SCD5: variants seen among roughly 807,000 people sequenced by gnomAD.
SCD5 encodes acyl-CoA-desaturase 4.
SCD5 carries 20 observed loss-of-function variants against 30.4 expected under a neutral mutation model. The ratio of observed to expected loss-of-function variants is 0.66; its 90% CI spans 0.46 to 0.96. The LOEUF (loss-of-function observed/expected upper bound fraction) is 0.96. Among genes scored for constraint, SCD5 ranks in the 40% least tolerant of loss-of-function variants. The pLI, the probability that SCD5 is intolerant of heterozygous loss-of-function variation, is 0.00. For missense variants in SCD5, 381 were observed against 443.3 expected (o/e 0.86, Z 1.26); for synonymous variants, 173 against 176.4 (o/e 0.98, Z 0.16).
intron 2 of SCD5, among the ~76,000 whole-genome samples, chr4:82,689,185 G>T (rs1417066764): frequency 6.6e-6 from 1 of 152,174 alleles, no homozygotes; most frequent in African/African-American, 2.4e-5. Flanking sequence ...TGCCAGGACT[G>T]GGGTAGGAAA....
At chr4:82,717,407 C>T (rs73829976) in intron 1 of SCD5, among the ~76,000 whole-genome samples, 6,207 of 151,748 alleles carry the variant, frequency 0.041, 572 homozygotes, top group African/African-American at 0.14. Context: ...ATGCAACTAT[C>T]GAAATCACCA....
At chr4:82,729,690 G>A (rs1720585649) in intron 1 of SCD5, among the ~76,000 whole-genome samples, 1 of 152,146 alleles carries the variant, frequency 6.6e-6, no homozygotes, top group Admixed American at 6.5e-5. Context: ...ATTTTGAGCT[G>A]AAGGCAATTA....
intron 1 of SCD5, among the ~76,000 whole-genome samples, chr4:82,751,676 G>T (rs1721104927): frequency 6.6e-6 from 1 of 152,182 alleles, no homozygotes; most frequent in African/African-American, 2.4e-5. Flanking sequence ...CACCAGGCTG[G>T]AGTGCACTGG....
At chr4:82,750,801 G>A (rs531526471) in intron 1 of SCD5, among the ~76,000 whole-genome samples, 2 of 152,298 alleles carry the variant, frequency 1.3e-5, no homozygotes, top group South Asian at 2.1e-4. Flanking sequence ...CATGTTTAAG[G>A]CCAAAGTGAA....
intron 1 of SCD5, among the ~76,000 whole-genome samples, chr4:82,736,084 G>A (rs551548393): frequency 2.6e-5 from 4 of 152,242 alleles, no homozygotes; most frequent in Non-Finnish European, 4.4e-5. Context: ...CCAGGAGTTC[G>A]AGACCAGCCT....
chr4:82,677,447 C>T (rs961983218), intron 3 of SCD5, among the ~76,000 whole-genome samples: 2 of 152,218 alleles, frequency 1.3e-5, no homozygotes, highest in Admixed American at 1.3e-4. Context: ...GTGCCTGACA[C>T]CAAGATCCAC....
intron 2 of SCD5, among the ~76,000 whole-genome samples, chr4:82,686,485 C>G (rs1418178744): frequency 6.6e-6 from 1 of 152,194 alleles, no homozygotes; most frequent in Non-Finnish European, 1.5e-5. Context: ...AATTCACTTT[C>G]TGGAGTTTAT....
chr4:82,748,955 T>C (rs1312955577), intron 1 of SCD5, among the ~76,000 whole-genome samples: 1 of 152,172 alleles, frequency 6.6e-6, no homozygotes, highest in Non-Finnish European at 1.5e-5. Flanking sequence ...CAGTCTACTG[T>C]GTGGGAGGAA....
At position 82,665,186 on chromosome 4, in the gene SCD5, A is replaced by G. The variant is rs367999778; in HGVS notation, c.569+15521T>C. Among the ~76,000 whole-genome samples the G allele has an allele frequency of 1.8e-4, 26 of 144,720 alleles. No individual in the cohort carries two copies. In the East Asian group the frequency reaches 5.2e-3, roughly 29 times the overall value. The allele number at this position is 144,720 out of a possible 152,430, so 94.9% of individuals were successfully genotyped here. ...AAGTTTGAGGCTACAGTTAGCAGCT[A>G]TGATCATGTCACTGCACTGAAGCCT... On this transcript the variant is annotated intron_variant, in intron 3 of 4. Transcript: ENST00000319540.
At chr4:82,689,680 G>C (rs1393090089) in intron 2 of SCD5, among the ~76,000 whole-genome samples, 3 of 152,164 alleles carry the variant, frequency 2.0e-5, no homozygotes, top group African/African-American at 7.2e-5. Flanking sequence ...GTAAAAGTTT[G>C]ATGAAGATAA....
intron 1 of SCD5, among the ~76,000 whole-genome samples, chr4:82,767,399 T>C (rs1721516204): frequency 6.6e-6 from 1 of 152,192 alleles, no homozygotes; most frequent in Admixed American, 6.5e-5. Flanking sequence ...CTCAAGGACA[T>C]GGCTGCACTC....
intron 3 of SCD5, among the ~76,000 whole-genome samples, chr4:82,669,164 C>T (rs1268793966): frequency 1.3e-5 from 2 of 152,000 alleles, no homozygotes; most frequent in Non-Finnish European, 2.9e-5. Flanking sequence ...TTGAGAATCC[C>T]TAAAGTAGAA....
At chr4:82,682,397 A>AT (rs553532345) in intron 2 of SCD5, among the ~76,000 whole-genome samples, 4 of 151,810 alleles carry the variant, frequency 2.6e-5, no homozygotes, top group Non-Finnish European at 5.9e-5. Flanking sequence ...TTTTACACTA[A>AT]TTTTTTTTTA....
At chr4:82,652,004 T>C (rs1727768004) in intron 3 of SCD5, among the ~76,000 whole-genome samples, 1 of 152,218 alleles carries the variant, frequency 6.6e-6, no homozygotes, top group South Asian at 2.1e-4. Flanking sequence ...ACTGTGCATT[T>C]GAATCACCTG....
At position 82,630,805 on chromosome 4, in the gene SCD5, C is replaced by CA. The variant is rs1345252634; in HGVS notation, c.*521dup. 387 of 140,620 alleles carry CA rather than the reference C, an allele frequency of 2.8e-3. No homozygotes were observed. Among genetic ancestry groups the CA allele is most frequent in the African/African-American group, 6.3e-3 (241 of 38,408 alleles). 8.7% of individuals were successfully genotyped at this position (140,620 alleles called of 1,614,324 possible). On this transcript the variant is annotated 3_prime_UTR_variant, in exon 5 of 5. Transcript: ENST00000319540. Reference sequence around the variant, plus strand: ...TGGGGGACAGAGCGAGCCTCCGTCTCAAAAAAAAAAAAGTTTTTTTCGGCA... The same window carrying CA: ...TGGGGGACAGAGCGAGCCTCCGTCTCAAAAAAAAAAAAAGTTTTTTTCGGCA...
intron 1 of SCD5, among the ~76,000 whole-genome samples, chr4:82,718,248 A>G (rs1313682371): frequency 2.6e-5 from 4 of 151,786 alleles, no homozygotes; most frequent in Non-Finnish European, 5.9e-5. Context: ...CTGGAGGGAC[A>G]TCTTTGGGAA....
chr4:82,680,998 A>C, intron 2 of SCD5, 86 bp from the exon 3 acceptor site: 2 of 1,025,484 alleles, frequency 2.0e-6, no homozygotes, highest in Non-Finnish European at 3.0e-6. Flanking sequence ...CCCCTCCCCC[A>C]CCAGTCCTCA....
At chr4:82,702,105 T>A (rs370475070) in intron 2 of SCD5, among the ~76,000 whole-genome samples, 4 of 148,522 alleles carry the variant, frequency 2.7e-5, no homozygotes, top group East Asian at 2.1e-4. Context: ...TAGCTCCTTA[T>A]CAGGCATTCC....
chr4:82,738,091 T>G (rs1451959770), intron 1 of SCD5, among the ~76,000 whole-genome samples: 1 of 152,086 alleles, frequency 6.6e-6, no homozygotes, highest in African/African-American at 2.4e-5. Flanking sequence ...CACAAAATAC[T>G]TGATAAAAAA....
Sources: gnomAD v4.1 joint callset for allele counts (sites outside exome capture counted in the v4.1 genomes callset) on GRCh38, gnomAD v4.1.1 for gene constraint, MANE v1.5 for transcripts, NCBI Gene and HGNC (gene_info 2026-07-23, HGNC 2026-07-21) for gene names.